FAT3: variants seen among roughly 807,000 people sequenced by gnomAD.
FAT3 encodes protocadherin Fat 3.
In FAT3, 95 loss-of-function variants were observed where a neutral mutation model predicts 310.2. The observed-to-expected ratio is 0.31, with a 90% confidence interval of 0.26 to 0.36. The LOEUF is 0.36. FAT3 is among the 10% of genes least tolerant of loss of function. FAT3 has a pLI of 1.00. For synonymous variants in FAT3, 2,314 were observed against 2,192.9 expected (o/e 1.06, Z -1.54); for missense variants, 5,408 against 5,715.6 (o/e 0.95, Z 1.74).
At chr11:92,648,042 A>G (rs545842663) in intron 3 of FAT3, among the ~76,000 whole-genome samples, 2 of 152,304 alleles carry the variant, frequency 1.3e-5, no homozygotes, top group Admixed American at 6.5e-5. Flanking sequence ...GTAGGAATTC[A>G]CCTGACCATG....
At chr11:92,335,030 G>A (rs905147744) in intron 1 of FAT3, among the ~76,000 whole-genome samples, 1 of 152,142 alleles carries the variant, frequency 6.6e-6, no homozygotes, top group African/African-American at 2.4e-5. Flanking sequence ...TACATTAAAA[G>A]TCTGATGATG....
At position 92,797,920 on chromosome 11, in the gene FAT3, A is replaced by G. The variant is rs773352197; in HGVS notation, c.4907A>G (p.Gln1636Arg). Reference protein sequence around the residue: ...CKEPDMTTMGQFVLSIKVTDQ... With the variant: ...CKEPDMTTMGRFVLSIKVTDQ... ...GAACCAGACATGACGACGATGGGTCAGTTTGTCCTATCCATCAAAGTCACA... is the reference window on the plus strand; with the variant it reads ...GAACCAGACATGACGACGATGGGTCGGTTTGTCCTATCCATCAAAGTCACA... Residue 1636 changes from glutamine to arginine, a missense_variant, in exon 10 of 28, where the codon CAG (glutamine) becomes CGG (arginine). Gln to Arg is a conservative substitution (Grantham distance 43). Around this residue, in one of 5 missense-constraint regions of FAT3, gnomAD observed 4,588 missense variants for 4,809.8 expected, o/e 0.95. Transcript: ENST00000525166. 2.5e-6 allele frequency: 4 copies of G among 1,613,888 alleles called. No individual in the cohort carries two copies. Among genetic ancestry groups the G allele is most frequent in the Non-Finnish European group, 3.4e-6 (4 of 1,179,840 alleles).
Position 92,882,949 on chromosome 11 carries a change from A to G in FAT3, c.12493A>G (p.Ile4165Val). ...LIGIAVVLFV[I>V]FILVVLFIVF... Reference sequence around the variant, plus strand: ...CGGCATCGCCGTGGTCCTCTTCGTCATCTTCATCCTGGTGGTTCTCTTCAT... The same window carrying G: ...CGGCATCGCCGTGGTCCTCTTCGTCGTCTTCATCCTGGTGGTTCTCTTCAT... The change falls in exon 24 of 28, where the codon ATC (isoleucine) becomes GTC (valine). Residue 4165 changes from isoleucine (I) to valine (V), a missense_variant. Ile to Val is a conservative substitution (Grantham distance 29). Around this residue, in one of 5 missense-constraint regions of FAT3, gnomAD observed 649 missense variants for 666.2 expected, o/e 0.97. Transcript: ENST00000525166. 6 of 1,613,646 alleles carry G rather than the reference A, an allele frequency of 3.7e-6. No individual in the cohort carries two copies. Among genetic ancestry groups the G allele is most frequent in the South Asian group, 1.1e-5 (1 of 90,998 alleles).
At chr11:92,683,113 A>G (rs1314365610) in intron 3 of FAT3, among the ~76,000 whole-genome samples, 4 of 147,252 alleles carry the variant, frequency 2.7e-5, no homozygotes, top group Non-Finnish European at 6.0e-5. Flanking sequence ...ACTCTCCAGC[A>G]TTTCCTGCCT....
rs145279207 is a variant in FAT3 at position 92,408,367 on chromosome 11, TG to T, written c.3292+52965del. 8.6e-3 allele frequency among the ~76,000 whole-genome samples: 1,316 copies of T among 152,258 alleles called. 13 individuals carry two copies. The highest frequency in any genetic ancestry group is 0.031 in the African/African-American group (1,274 of 41,544). On this transcript the variant is annotated intron_variant, in intron 2 of 27. Coordinates refer to ENST00000525166, the MANE Select transcript of FAT3 (RefSeq NM_001367949.2). ...GCAGGGGTGTAGGGAGGGTATCATT[TG>T]GTCCATAGCAGGGGGATAGCTTCGT...
intron 1 of FAT3, among the ~76,000 whole-genome samples, chr11:92,248,526 A>G (rs1203532269): frequency 6.6e-6 from 1 of 152,158 alleles, no homozygotes; most frequent in Non-Finnish European, 1.5e-5. Flanking sequence ...CTTTGACTAA[A>G]TCTGTGCAGA....
At chr11:92,682,028 G>A (rs1482871997) in intron 3 of FAT3, among the ~76,000 whole-genome samples, 1 of 152,190 alleles carries the variant, frequency 6.6e-6, no homozygotes, top group Non-Finnish European at 1.5e-5. Flanking sequence ...TACAGAAATA[G>A]TGAAAGATAA....
intron 1 of FAT3, among the ~76,000 whole-genome samples, chr11:92,344,713 G>A (rs1308357621): frequency 6.6e-6 from 1 of 152,172 alleles, no homozygotes; most frequent in African/African-American, 2.4e-5. Context: ...AAGAGTTACA[G>A]CCACAGTGTG....
In FAT3 at chr11:92,867,169, G is replaced by A. The variant is rs2136352813; in HGVS notation, c.12087G>A (p.Pro4029=). Reference sequence around the variant, plus strand: ...ATCCCGACGCCTGCAAGCGCAGCCCGTGCCAGCACGGGGGCAGCTGCACTG... The same window carrying A: ...ATCCCGACGCCTGCAAGCGCAGCCCATGCCAGCACGGGGGCAGCTGCACTG... The part of the protein sequence containing the change: ...VLYPDACKRS[P]CQHGGSCTGL... Residue 4029 remains proline, a synonymous_variant, in exon 22 of 28, where the codon CCG becomes CCA. Transcript: ENST00000525166. 2 of 1,592,896 alleles carry A rather than the reference G, an allele frequency of 1.3e-6. No individual in the cohort carries two copies. The highest frequency in any genetic ancestry group is 8.5e-7 in the Non-Finnish European group (1 of 1,172,258).
intron 2 of FAT3, among the ~76,000 whole-genome samples, chr11:92,499,754 T>TGTGTGTGTGTGTGA (rs1952881636): frequency 2.0e-5 from 3 of 150,648 alleles, no homozygotes; most frequent in South Asian, 4.2e-4. Context: ...TGTGTGTGTG[T>TGTGTGTGTGTGTGA]GAAAAGTCAC....
At chr11:92,584,568 T>C (rs1450342230) in intron 3 of FAT3, among the ~76,000 whole-genome samples, 2 of 152,146 alleles carry the variant, frequency 1.3e-5, no homozygotes, top group Admixed American at 6.6e-5. Flanking sequence ...TGTTTCACTT[T>C]GTGGCCATAT....
intron 1 of FAT3, among the ~76,000 whole-genome samples, chr11:92,330,469 C>T (rs1337764069): frequency 3.3e-5 from 5 of 152,112 alleles, no homozygotes; most frequent in African/African-American, 7.2e-5. Flanking sequence ...ATAGTTTATA[C>T]GTTAAATTTC....
At chr11:92,336,151 C>G in intron 1 of FAT3, 1 of 548,406 alleles carries the variant, frequency 1.8e-6, no homozygotes, top group Non-Finnish European at 3.7e-6. Flanking sequence ...TGGGCCCACT[C>G]TCGCATCCTG....
In FAT3 at chr11:92,714,254, C is replaced by A. The variant is rs577785151; in HGVS notation, c.3669+16809C>A. ...TCTTTTGAGTGTCACAATGTTCTGC[C>A]TACTAGGTGCAGGGAATTTTAATTT... On this transcript the variant is annotated intron_variant, in intron 4 of 27. Coordinates refer to ENST00000525166, the MANE Select transcript of FAT3 (RefSeq NM_001367949.2). 2.6e-5 allele frequency among the ~76,000 whole-genome samples: 4 copies of A among 152,254 alleles called. No individual in the cohort carries two copies. In the South Asian group the frequency reaches 8.3e-4, roughly 32 times the overall value.
At chr11:92,365,483 C>G (rs2134690492) in intron 2 of FAT3, among the ~76,000 whole-genome samples, 1 of 152,136 alleles carries the variant, frequency 6.6e-6, no homozygotes, top group East Asian at 1.9e-4. Flanking sequence ...TTTTCTTGAC[C>G]TCTACTTCTT....
intron 2 of FAT3, among the ~76,000 whole-genome samples, chr11:92,365,048 C>G (rs1948981488): frequency 6.6e-6 from 1 of 152,090 alleles, no homozygotes; most frequent in South Asian, 2.1e-4. Flanking sequence ...TTGCTTGATT[C>G]CAGGAGTTCA....
rs72970548 is a variant in FAT3 at position 92,353,828 on chromosome 11, C to T, written c.1716C>T (p.Asn572=). ...TGACTATTCGAATAGGAAATGTCAA[C>T]GACAACAGCCCTCTCTTTGAAAAAG... The part of the protein sequence containing the change: ...VNVTIRIGNV[N]DNSPLFEKVA... Residue 572 remains asparagine (N), a synonymous_variant, in exon 2 of 28, where the codon AAC becomes AAT. Coordinates refer to ENST00000525166, the MANE Select transcript of FAT3 (RefSeq NM_001367949.2). 1,398 of 1,613,698 alleles carry T rather than the reference C, an allele frequency of 8.7e-4. No individual in the cohort carries two copies. The highest frequency in any genetic ancestry group is 1.3e-3 in the Admixed American group (76 of 59,914).
intron 1 of FAT3, among the ~76,000 whole-genome samples, chr11:92,229,507 G>GTTTTTTTT (rs1565339350): frequency 5.2e-5 from 3 of 58,160 alleles, no homozygotes; most frequent in Non-Finnish European, 9.2e-5. Flanking sequence ...TTTTTTTTTT[G>GTTTTTTTT]TTTTTTGTTT....
At chr11:92,423,836 C>A (rs1950577480) in intron 2 of FAT3, among the ~76,000 whole-genome samples, 1 of 152,124 alleles carries the variant, frequency 6.6e-6, no homozygotes, top group Non-Finnish European at 1.5e-5. Flanking sequence ...CTCTTAAGAT[C>A]TTCAACTGAT....
Sources: gnomAD v4.1 joint callset for allele counts (sites outside exome capture counted in the v4.1 genomes callset) on GRCh38, gnomAD v4.1.1 for gene constraint, gnomAD v4.1.1 regional missense constraint, MANE v1.5 for transcripts, NCBI Gene and HGNC (gene_info 2026-07-23, HGNC 2026-07-21) for gene names.